Variants in DPP8 observed in about 807,000 individuals in gnomAD.
The protein encoded by DPP8 is DPP VIII.
Under a neutral mutation model 107.5 loss-of-function variants are expected in DPP8, and 31 were observed. That is an observed-to-expected ratio of 0.29 (90% CI 0.22 to 0.39). The LOEUF (loss-of-function observed/expected upper bound fraction) is 0.39, where lower values mean the gene tolerates loss of function less well. DPP8 is among the 10% of genes least tolerant of loss of function. DPP8 has a pLI of 1.00. For missense variants in DPP8, 842 were observed against 1,076.1 expected (o/e 0.78, Z 3.04); for synonymous variants, 381 against 356.6 (o/e 1.07, Z -0.77).
chr15:65,511,397 C>T (rs537386765), intron 2 of DPP8, among the ~76,000 whole-genome samples: 15 of 150,998 alleles, frequency 9.9e-5, no homozygotes, highest in African/African-American at 3.7e-4. Context: ...TAAAATATGG[C>T]ACAATTATAT....
intron 14 of DPP8, among the ~76,000 whole-genome samples, chr15:65,464,403 C>T (rs1245596077): frequency 6.6e-6 from 1 of 151,630 alleles, no homozygotes; most frequent in African/African-American, 2.4e-5. Context: ...AAAACTAGGC[C>T]AGGCACGGTG....
At chr15:65,512,027 A>G (rs969086817) in intron 2 of DPP8, 6 of 590,458 alleles carry the variant, frequency 1.0e-5, no homozygotes, top group Non-Finnish European at 1.9e-5. Context: ...AAAGAAAGGC[A>G]TTTCAAGCTA....
intron 19 of DPP8, among the ~76,000 whole-genome samples, chr15:65,448,868 ATATATATATATATATATATAT>A (rs2063714478): frequency 3.5e-4 from 2 of 5,638 alleles, no homozygotes; most frequent in Admixed American, 4.4e-3. Flanking sequence ...TATCTAAAAT[ATATATATATATATATATATAT>A]ATATATATAT....
chr15:65,500,134 T>G (rs1406152804), intron 4 of DPP8, among the ~76,000 whole-genome samples: 2 of 152,034 alleles, frequency 1.3e-5, no homozygotes, highest in African/African-American at 4.8e-5. Context: ...AATTATCTCC[T>G]AAGGCTGGGC....
chr15:65,504,956 T>A (rs2069766908), intron 3 of DPP8, among the ~76,000 whole-genome samples: 1 of 151,894 alleles, frequency 6.6e-6, no homozygotes, highest in Non-Finnish European at 1.5e-5. Flanking sequence ...TATTCCAACT[T>A]GGGTGACAGA....
Position 65,445,499 on chromosome 15 carries a change from C to T in DPP8, c.*1385G>A, listed in dbSNP as rs567562138. 11 of 152,752 alleles carry T rather than the reference C, an allele frequency of 7.2e-5. No homozygotes were observed. The highest frequency in any genetic ancestry group is 2.1e-4 in the South Asian group (1 of 4,796). The allele number at this position is 152,752 out of a possible 1,614,324, so 9.5% of individuals were successfully genotyped here. A position where few individuals can be genotyped will look rare whatever the true frequency, so the allele number is the denominator to read the frequency against. ...TCATAGCTAAATCCTAGTGCTAAAC[C>T]AAGAAAAGTTCATGATCATTCAGAA... is the stretch of plus-strand genomic sequence containing the variant. On this transcript the variant is annotated 3_prime_UTR_variant, in exon 20 of 20. Transcript: ENST00000300141.
At chr15:65,492,859 A>G (rs2068182113) in intron 5 of DPP8, among the ~76,000 whole-genome samples, 1 of 152,058 alleles carries the variant, frequency 6.6e-6, no homozygotes, top group South Asian at 2.1e-4. Flanking sequence ...TGGCCCCCCA[A>G]AGTGCTAGGA....
chr15:65,506,607 T>C (rs1302736377), intron 3 of DPP8, among the ~76,000 whole-genome samples: 1 of 145,518 alleles, frequency 6.9e-6, no homozygotes, highest in Non-Finnish European at 1.5e-5. Context: ...CATATATATA[T>C]GTAAACATAT....
At chr15:65,452,828 T>C (rs2064088736) in intron 17 of DPP8, among the ~76,000 whole-genome samples, 1 of 151,804 alleles carries the variant, frequency 6.6e-6, no homozygotes, top group Non-Finnish European at 1.5e-5. Context: ...AAAAATTAGC[T>C]GGGAATAGTG....
chr15:65,494,149 C>CTTTTTTTTTTTTTTTTTTT lies in DPP8; in HGVS notation c.715+3714_715+3715insAAAAAAAAAAAAAAAAAAA, dbSNP rs542314824. Among the ~76,000 whole-genome samples the CTTTTTTTTTTTTTTTTTTT allele has an allele frequency of 3.1e-3, 387 of 123,208 alleles. 35 individuals carry two copies. The highest frequency in any genetic ancestry group is 0.013 in the African/African-American group (371 of 29,374). The allele number at this position is 123,208 out of a possible 152,430, so 80.8% of individuals were successfully genotyped here. A position where few individuals can be genotyped will look rare whatever the true frequency, so the allele number is the denominator to read the frequency against. On this transcript the variant is annotated intron_variant, in intron 5 of 19. Transcript: ENST00000300141. ...TTGAAATTCAAACCGGTTCTATATC[C>CTTTTTTTTTTTTTTTTTTT]TTTTTTTTTTTTTTAGAGACAGGGT... is the stretch of plus-strand genomic sequence containing the variant.
At chr15:65,485,501 G>A (rs1306156687) in intron 7 of DPP8, among the ~76,000 whole-genome samples, 1 of 136,262 alleles carries the variant, frequency 7.3e-6, no homozygotes, top group East Asian at 2.2e-4. Context: ...CTGACATCGT[G>A]CCACTGCCCT....
chr15:65,485,068 G>GC (rs1047515664), intron 8 of DPP8, 31 bp downstream of exon 8: 1 of 1,546,924 alleles, frequency 6.5e-7, no homozygotes, highest in Admixed American at 1.7e-5. Flanking sequence ...GTCAAATGAC[G>GC]CAGAAGGTCA....
At chr15:65,453,598 A>C (rs757230430) in intron 17 of DPP8, among the ~76,000 whole-genome samples, 10 of 151,780 alleles carry the variant, frequency 6.6e-5, no homozygotes, top group Non-Finnish European at 1.3e-4. Context: ...GTGAAACTCC[A>C]TCTCTACTAA....
In DPP8 at chr15:65,444,639, T is replaced by A. The variant is rs2063424733; in HGVS notation, c.*2245A>T. ...AGAATGGCATTTAAGTGACTGGGAG[T>A]GATAATAGAAGCATTCTTTGTGATA... On this transcript the variant is annotated 3_prime_UTR_variant, in exon 20 of 20. Coordinates refer to ENST00000300141, the MANE Select transcript of DPP8 (RefSeq NM_130434.5). The A allele has an allele frequency of 1.3e-5, 2 of 152,090 alleles. No homozygotes were observed. 9.4% of individuals were successfully genotyped at this position (152,090 alleles called of 1,614,324 possible). A position where few individuals can be genotyped will look rare whatever the true frequency, so the allele number is the denominator to read the frequency against.
chr15:65,497,261 ATGTAT>A (rs2068702669), intron 5 of DPP8, among the ~76,000 whole-genome samples: 1 of 151,980 alleles, frequency 6.6e-6, no homozygotes, highest in Non-Finnish European at 1.5e-5. Context: ...ATTTTTAAAA[ATGTAT>A]TTATTTATTT....
chr15:65,455,176 A>G (rs574881478), intron 16 of DPP8, among the ~76,000 whole-genome samples: 14 of 152,272 alleles, frequency 9.2e-5, no homozygotes, highest in Non-Finnish European at 2.1e-4. Flanking sequence ...TCTGCTGTCC[A>G]GGTTGGAGTG....
At chr15:65,485,544 CAAAAA>C (rs56940292) in intron 7 of DPP8, among the ~76,000 whole-genome samples, 1 of 61,282 alleles carries the variant, frequency 1.6e-5, no homozygotes. Context: ...GACTCCATCT[CAAAAA>C]AAAAAAAAAA....
intron 3 of DPP8, among the ~76,000 whole-genome samples, chr15:65,505,590 T>G (rs1392728258): frequency 6.6e-6 from 1 of 152,190 alleles, no homozygotes; most frequent in Non-Finnish European, 1.5e-5. Flanking sequence ...TAAGAAATTT[T>G]TTGTTTTAAA....
rs998012939 is a variant in DPP8, at chr15:65,447,876, CTT to C, written c.2527-872_2527-871del. Among the ~76,000 whole-genome samples, 21 of 152,298 alleles carry C rather than the reference CTT, an allele frequency of 1.4e-4. 1 individual carries two copies. The highest frequency in any genetic ancestry group is 1.2e-3 in the Admixed American group (19 of 15,300). On this transcript the variant is annotated intron_variant, in intron 19 of 19. Transcript: ENST00000300141. ...TAATGAGCTTCCCAATACTTAGACA[CTT>C]TTCCGATGAGCTCAGTAGTAATATT...
Sources: gnomAD v4.1 joint callset for allele counts (sites outside exome capture counted in the v4.1 genomes callset) on GRCh38, gnomAD v4.1.1 for gene constraint, MANE v1.5 for transcripts, NCBI Gene and HGNC (gene_info 2026-07-23, HGNC 2026-07-21) for gene names.